ELF2: variants seen among roughly 807,000 people sequenced by gnomAD.
ELF2 encodes the protein ETS-related transcription factor Elf-2.
ELF2 carries 11 observed loss-of-function variants against 54.8 expected under a neutral mutation model. The observed-to-expected ratio is 0.20, with a 90% confidence interval of 0.13 to 0.33. The LOEUF (loss-of-function observed/expected upper bound fraction) is 0.33. Ranked by LOEUF, ELF2 falls within the 10% of genes least tolerant of loss-of-function variation. The pLI is 1.00. For missense variants in ELF2, 513 were observed against 703.0 expected (o/e 0.73, Z 3.06); for synonymous variants, 203 against 245.1 (o/e 0.83, Z 1.61).
intron 1 of ELF2, among the ~76,000 whole-genome samples, chr4:139,141,799 T>A (rs1738729451): frequency 2.0e-5 from 3 of 152,182 alleles, no homozygotes; most frequent in Admixed American, 2.0e-4. Context: ...AGTCCTTTTC[T>A]CTTCAGATTC....
chr4:139,076,785 TA>T (rs2148709571), intron 4 of ELF2, among the ~76,000 whole-genome samples: 1 of 152,332 alleles, frequency 6.6e-6, no homozygotes, highest in South Asian at 2.1e-4. Context: ...TTTGTGTTAT[TA>T]AAATTGTTAT....
intron 1 of ELF2, among the ~76,000 whole-genome samples, chr4:139,174,039 C>T (rs1347446924): frequency 2.0e-5 from 3 of 147,658 alleles, no homozygotes; most frequent in Admixed American, 6.8e-5. Context: ...CTGGCTAACA[C>T]GGTGAAACCC....
At chr4:139,090,868 C>G (rs1732493265) in intron 4 of ELF2, among the ~76,000 whole-genome samples, 1 of 152,042 alleles carries the variant, frequency 6.6e-6, no homozygotes, top group Non-Finnish European at 1.5e-5. Flanking sequence ...GGAAAAACAT[C>G]CAGTTTTGAT....
At chr4:139,098,465 A>T (rs917019934) in intron 4 of ELF2, among the ~76,000 whole-genome samples, 2 of 151,320 alleles carry the variant, frequency 1.3e-5, no homozygotes, top group East Asian at 3.9e-4. Flanking sequence ...CTCTATTTTT[A>T]AAACTTTTTT....
rs1311028582 is a variant in ELF2, at chr4:139,125,214, A to T, written c.188T>A (p.Met63Lys). The part of the protein sequence containing the change: ...VLVYDDETYM[M>K]QDVAEEQEVE... ...TTCTTGTTCTTCTGCCACATCTTGC[A>T]TCATATAAGTCTCATCATCATAAAC... The change falls in exon 4 of 10, where the codon ATG (methionine) becomes AAG (lysine). Residue 63 changes from methionine to lysine, a missense_variant. Physicochemically the swap from Met to Lys is moderately conservative, Grantham distance 95. Transcript: ENST00000686138. 6.2e-7 allele frequency: 1 copy of T among 1,613,202 alleles called. No homozygotes were observed. The highest frequency in any genetic ancestry group is 1.7e-5 in the Admixed American group (1 of 59,790).
intron 1 of ELF2, among the ~76,000 whole-genome samples, chr4:139,142,047 G>A (rs1237907164): frequency 6.6e-6 from 1 of 152,142 alleles, no homozygotes; most frequent in Non-Finnish European, 1.5e-5. Context: ...GTCCAGTAGT[G>A]AATAAAGGCA....
intron 4 of ELF2, among the ~76,000 whole-genome samples, chr4:139,123,202 G>A (rs895664881): frequency 1.0e-4 from 15 of 150,554 alleles, no homozygotes; most frequent in African/African-American, 3.4e-4. Flanking sequence ...AAAAAAATCC[G>A]TGAGCCAGGA....
intron 2 of ELF2, among the ~76,000 whole-genome samples, chr4:139,139,146 C>A (rs1219249171): frequency 6.6e-6 from 1 of 152,040 alleles, no homozygotes; most frequent in Non-Finnish European, 1.5e-5. Flanking sequence ...TGTTTGCCTG[C>A]TGGCAATATA....
chr4:139,063,600 C>A (rs1188016466), intron 7 of ELF2, among the ~76,000 whole-genome samples: 1 of 152,048 alleles, frequency 6.6e-6, no homozygotes, highest in Non-Finnish European at 1.5e-5. Flanking sequence ...GTCCCTGCCT[C>A]AAGGAATTTA....
At chr4:139,084,772 T>A (rs1257943403) in intron 4 of ELF2, among the ~76,000 whole-genome samples, 1 of 152,240 alleles carries the variant, frequency 6.6e-6, no homozygotes, top group Non-Finnish European at 1.5e-5. Flanking sequence ...TAACTTCTTT[T>A]GGCTTTTTCA....
chr4:139,169,684 T>A (rs6841304), intron 1 of ELF2, among the ~76,000 whole-genome samples: 2 of 151,784 alleles, frequency 1.3e-5, no homozygotes, highest in African/African-American at 2.4e-5. Flanking sequence ...GGTGAAACCC[T>A]GTCTCTACTA....
intron 4 of ELF2, among the ~76,000 whole-genome samples, chr4:139,113,556 C>CA (rs1390795887): frequency 6.7e-5 from 10 of 149,138 alleles, no homozygotes; most frequent in Middle Eastern, 3.5e-3. Context: ...GACCCTGTCT[C>CA]AAAAAAAAAT....
chr4:139,145,224 C>T (rs1039084693), intron 1 of ELF2, among the ~76,000 whole-genome samples: 2 of 152,238 alleles, frequency 1.3e-5, no homozygotes, highest in African/African-American at 4.8e-5. Context: ...TTTATTAATA[C>T]TACAACCAGC....
chr4:139,096,713 G>A (rs1411586368), intron 4 of ELF2, among the ~76,000 whole-genome samples: 1 of 149,424 alleles, frequency 6.7e-6, no homozygotes, highest in Non-Finnish European at 1.5e-5. Context: ...CAAGCAATCT[G>A]CCCACCTCAG....
At chr4:139,161,911 G>A (rs897381747) in intron 1 of ELF2, among the ~76,000 whole-genome samples, 2 of 151,972 alleles carry the variant, frequency 1.3e-5, no homozygotes, top group African/African-American at 4.8e-5. Context: ...TGGCTAACAC[G>A]GTGAAACCCT....
intron 3 of ELF2, among the ~76,000 whole-genome samples, chr4:139,127,123 C>T (rs1172568883): frequency 6.6e-6 from 1 of 152,198 alleles, no homozygotes; most frequent in African/African-American, 2.4e-5. Context: ...CTTCATGTAC[C>T]TACTCACTCC....
intron 1 of ELF2, among the ~76,000 whole-genome samples, chr4:139,168,918 A>C (rs1437792231): frequency 2.6e-5 from 4 of 152,150 alleles, no homozygotes; most frequent in Non-Finnish European, 5.9e-5. Context: ...TGTTAGAATT[A>C]AAATTGAGTC....
chr4:139,163,290 T>G (rs1410442319), intron 1 of ELF2, among the ~76,000 whole-genome samples: 2 of 152,076 alleles, frequency 1.3e-5, no homozygotes, highest in African/African-American at 4.8e-5. Flanking sequence ...AATGTATTAT[T>G]CATTGAGAAA....
intron 4 of ELF2, among the ~76,000 whole-genome samples, chr4:139,097,838 C>T (rs568468452): frequency 6.6e-6 from 1 of 152,108 alleles, no homozygotes; most frequent in African/African-American, 2.4e-5. Context: ...GTCACCCAGG[C>T]TGGAGTACAA....
Sources: allele counts gnomAD v4.1 joint callset (sites outside exome capture counted in the v4.1 genomes callset), GRCh38; gene constraint gnomAD v4.1.1; transcripts MANE v1.5; gene names NCBI Gene and HGNC (gene_info 2026-07-23, HGNC 2026-07-21).